Variants in PIGN observed in about 807,000 individuals in gnomAD.
PIGN encodes the protein phosphatidylinositol glycan anchor biosynthesis class N.
In PIGN, 117 loss-of-function variants were observed where a neutral mutation model predicts 125.4. That is an observed-to-expected ratio of 0.93 (90% CI 0.80 to 1.09). The LOEUF is 1.09. Ranked by LOEUF, PIGN falls within the 50% of genes least tolerant of loss-of-function variation. The pLI is 0.00. For missense variants in PIGN, 1,075 were observed against 1,094.9 expected (o/e 0.98, Z 0.26); for synonymous variants, 392 against 377.8 (o/e 1.04, Z -0.44).
At chr18:62,084,485 TAATC>T in intron 27 of PIGN, 42 bp downstream of exon 27, 1 of 1,210,744 alleles carries the variant, frequency 8.3e-7, no homozygotes, top group Non-Finnish European at 1.2e-6. Context: ...TTTATAATCT[TAATC>T]AATCAATAGC....
intron 1 of PIGN, among the ~76,000 whole-genome samples, chr18:62,169,025 T>A (rs1460101997): frequency 6.6e-6 from 1 of 152,074 alleles, no homozygotes; most frequent in African/African-American, 2.4e-5. Flanking sequence ...TCAGCTATTT[T>A]TGTATTTTTA....
At chr18:62,106,068 A>G (rs542693521) in intron 19 of PIGN, among the ~76,000 whole-genome samples, 1 of 152,356 alleles carries the variant, frequency 6.6e-6, no homozygotes, top group South Asian at 2.1e-4. Flanking sequence ...TGATGAAGAC[A>G]TCTATAAAAA....
At chr18:62,136,029 C>T (rs11152331) in intron 14 of PIGN, 49,014 of 152,006 alleles carry the variant, frequency 0.32, 8,761 homozygotes, top group East Asian at 0.55. Flanking sequence ...TTTGTCTATC[C>T]TGTTCACTGC....
chr18:62,146,726 T>A (rs2036342219), intron 9 of PIGN, among the ~76,000 whole-genome samples: 3 of 152,340 alleles, frequency 2.0e-5, no homozygotes, highest in South Asian at 4.1e-4. Context: ...AGCTACTTTT[T>A]ATTTTCTTCT....
In PIGN at chr18:62,101,085, C is replaced by G. The variant is rs2034417333; in HGVS notation, c.2067G>C (p.Trp689Cys). 6.3e-7 allele frequency: 1 copy of G among 1,596,086 alleles called. No individual in the cohort carries two copies. The highest frequency in any genetic ancestry group is 1.3e-5 in the African/African-American group (1 of 74,658). Residue 689 changes from tryptophan to cysteine, a missense_variant, in exon 22 of 31, where the codon TGG becomes TGC. Physicochemically the swap from Trp to Cys is radical, Grantham distance 215 (BLOSUM62 -2). This residue lies in a region of PIGN where 915 missense variants were observed against 908.7 expected (regional missense o/e 1.01). Coordinates refer to ENST00000640252, the MANE Select transcript of PIGN (RefSeq NM_176787.5). ...GLPLMNQIIS[W>C]ATLASSLVVP... is the part of the protein sequence containing the mutation. ...TGAGTGGCCTCTTACCTAATGTTGC[C>G]CAGCTAATAATTTGATTCATGAGAG...
chr18:62,061,068 G>A (rs17069407), intron 30 of PIGN, among the ~76,000 whole-genome samples: 50,887 of 151,972 alleles, frequency 0.33, 9,442 homozygotes, highest in East Asian at 0.63. Context: ...ACTCACACCA[G>A]TAGTTTCAGC....
rs78946023 is a variant in PIGN, at chr18:62,147,422, T to G, written c.675-321A>C. Among the ~76,000 whole-genome samples, 1,919 of 152,306 alleles carry G rather than the reference T, an allele frequency of 0.013. 45 individuals carry two copies. The highest frequency in any genetic ancestry group is 0.044 in the African/African-American group (1,817 of 41,578). ...CTCTTACTACATAAACTAAACTGTT[T>G]GGCCACATTACAAGTATCATTTCAA... On this transcript the variant is annotated intron_variant, in intron 8 of 30. Transcript: ENST00000640252.
At chr18:62,079,693 C>T (rs1163742003) in intron 28 of PIGN, among the ~76,000 whole-genome samples, 14 of 149,084 alleles carry the variant, frequency 9.4e-5, no homozygotes, top group Non-Finnish European at 1.2e-4. Context: ...TGAATGAGAC[C>T]TGGTAGATAT....
chr18:62,092,267 T>C (rs913363329), intron 23 of PIGN, among the ~76,000 whole-genome samples: 21 of 152,130 alleles, frequency 1.4e-4, no homozygotes, highest in African/African-American at 5.1e-4. Flanking sequence ...TATTTAAAAA[T>C]GGAAATACCA....
At chr18:62,095,359 G>A (rs1193947212) in intron 23 of PIGN, among the ~76,000 whole-genome samples, 1 of 152,056 alleles carries the variant, frequency 6.6e-6, no homozygotes, top group Non-Finnish European at 1.5e-5. Flanking sequence ...GTTTTGGCAA[G>A]AAAATTTCAA....
chr18:62,070,453 T>C (rs2032777827), intron 30 of PIGN: 1 of 392,614 alleles, frequency 2.5e-6, no homozygotes, highest in South Asian at 1.3e-4. Context: ...CCACAGTCTA[T>C]TGGGAGAGGC....
Position 62,139,326 on chromosome 18 carries a change from T to C in PIGN, c.1024-251A>G, listed in dbSNP as rs113520737. Reference sequence around the variant, plus strand: ...GTAACACCTGGCATTGGCTGAGAGATAACTACGTGCTAGGTAGTGAACTGA... The same window carrying C: ...GTAACACCTGGCATTGGCTGAGAGACAACTACGTGCTAGGTAGTGAACTGA... On this transcript the variant is annotated intron_variant, in intron 12 of 30. Coordinates refer to ENST00000640252, the MANE Select transcript of PIGN (RefSeq NM_176787.5). 3.1e-3 allele frequency among the ~76,000 whole-genome samples: 471 copies of C among 152,340 alleles called. 4 individuals carry two copies. The highest frequency in any genetic ancestry group is 0.011 in the African/African-American group (445 of 41,584).
At chr18:62,025,648 T>G (rs1366286797) in intron 23 of PIGN, among the ~76,000 whole-genome samples, 1 of 152,214 alleles carries the variant, frequency 6.6e-6, no homozygotes, top group East Asian at 1.9e-4. Context: ...CCCTCCAGGT[T>G]GCATCTGGAC....
rs398033140 is a variant in PIGN at position 62,096,516 on chromosome 18, C to CTTTTT, written c.2078-571_2078-567dup. Among the ~76,000 whole-genome samples, 238 of 85,644 alleles carry CTTTTT rather than the reference C, an allele frequency of 2.8e-3. 7 individuals are homozygous for CTTTTT. Among genetic ancestry groups the CTTTTT allele is most frequent in the Non-Finnish European group, 3.1e-3 (151 of 49,144 alleles). 56.2% of individuals were successfully genotyped at this position (85,644 alleles called of 152,430 possible). ...TATTAACTCAAAAATGAATTATTTT[C>CTTTTT]TTTTTTTTTTTTTTTTTTTTTTTTT... On this transcript the variant is annotated intron_variant, in intron 22 of 30. Coordinates refer to ENST00000640252, the MANE Select transcript of PIGN (RefSeq NM_176787.5).
chr18:62,181,504 TGG>T (rs1234524491), intron 1 of PIGN, among the ~76,000 whole-genome samples: 4 of 152,176 alleles, frequency 2.6e-5, no homozygotes, highest in African/African-American at 9.6e-5. Context: ...CTAAGCTTCC[TGG>T]GCTAAGTCAT....
In PIGN at chr18:62,146,981, C is replaced by T; in HGVS notation, c.795G>A (p.Met265Ile). The change falls in exon 9 of 31, where the codon ATG (methionine) becomes ATA (isoleucine). Residue 265 changes from methionine to isoleucine, a missense_variant. Met to Ile is a conservative substitution (Grantham distance 10, BLOSUM62 1). This residue lies in a region of PIGN where 915 missense variants were observed against 908.7 expected (regional missense o/e 1.01). Transcript: ENST00000640252. ...TTFIFTSDHG[M>I]TDWGSHGAGH... The stretch of plus-strand genomic sequence containing the variant: ...TAAAGACACACTAACCCCAGTCTGT[C>T]ATTCCATGGTCAGAGGTAAAGATAA... 6.2e-7 allele frequency: 1 copy of T among 1,611,946 alleles called. No individual in the cohort carries two copies. Among genetic ancestry groups the T allele is most frequent in the South Asian group, 1.1e-5 (1 of 91,002 alleles).
chr18:62,097,173 A>T (rs1482309619), intron 22 of PIGN, among the ~76,000 whole-genome samples: 2 of 135,078 alleles, frequency 1.5e-5, no homozygotes, highest in African/African-American at 5.6e-5. Context: ...CAACCTACTC[A>T]TCTGACAAAG....
At chr18:62,033,369 T>C (rs1010100858) in intron 23 of PIGN, among the ~76,000 whole-genome samples, 3 of 152,206 alleles carry the variant, frequency 2.0e-5, no homozygotes, top group Non-Finnish European at 4.4e-5. Flanking sequence ...CTGAACTGTA[T>C]GAAATAAAAA....
Position 62,043,063 on chromosome 18 carries a change from TA to T in PIGN, c.*2792del, listed in dbSNP as rs1303924953. 7.9e-5 allele frequency: 12 copies of T among 152,022 alleles called. No homozygotes were observed. The East Asian group carries it at 1.2e-3, about 15-fold the overall frequency. 9.4% of individuals were successfully genotyped at this position (152,022 alleles called of 1,614,324 possible). On this transcript the variant is annotated 3_prime_UTR_variant, in exon 31 of 31. Transcript: ENST00000640252. ...AAAAACAGTAAGGGGAATGTCAACATAAAAAAGAACAACTACGAAAAGGTGA... is the reference window on the plus strand; with the variant it reads ...AAAAACAGTAAGGGGAATGTCAACATAAAAAGAACAACTACGAAAAGGTGA...
Sources: allele counts gnomAD v4.1 joint callset (sites outside exome capture counted in the v4.1 genomes callset), GRCh38; gene constraint gnomAD v4.1.1; regional missense constraint gnomAD v4.1.1; transcripts MANE v1.5; gene names NCBI Gene and HGNC (gene_info 2026-07-23, HGNC 2026-07-21).